The following NUP133 variants were observed in gnomAD, a reference collection of about 807,000 sequenced individuals.
NUP133 encodes nuclear pore complex protein Nup133.
A neutral mutation model predicts 146.2 loss-of-function variants in NUP133; 66 were observed. That is an observed-to-expected ratio of 0.45 (90% confidence interval 0.37 to 0.55). NUP133 has a LOEUF of 0.55. NUP133 is among the 20% of genes least tolerant of loss of function. The pLI, the probability that NUP133 is intolerant of heterozygous loss-of-function variation, is 0.00. For missense variants in NUP133, 1,277 were observed against 1,374.8 expected (o/e 0.93, Z 1.12); for synonymous variants, 521 against 498.8 (o/e 1.04, Z -0.59).
chr1:229,484,169 T>C (rs1425058706), intron 11 of NUP133, 24 bp from the exon 12 acceptor site: 1 of 1,549,290 alleles, frequency 6.5e-7, no homozygotes, highest in East Asian at 2.2e-5. Flanking sequence ...AAGTATAGTT[T>C]AGAGGTAAAG....
chr1:229,466,753 A>T lies in NUP133; in HGVS notation c.2080T>A (p.Ser694Thr). ...TPADVFFREV[S>T]QVDTICECLL... ...CACTCACAGATGGTATCTACTTGGG[A>T]TACCTGAGAGAATACACAGAAGTAA... The change falls in exon 16 of 26, where the codon TCC becomes ACC. Residue 694 changes from serine to threonine, a missense_variant. Around this residue, in one of 3 missense-constraint regions of NUP133, gnomAD observed 952 missense variants for 1,047.0 expected, o/e 0.91. Transcript: ENST00000261396. 6.2e-7 allele frequency: 1 copy of T among 1,613,992 alleles called. No homozygotes were observed. Among genetic ancestry groups the T allele is most frequent in the Non-Finnish European group, 8.5e-7 (1 of 1,179,908 alleles).
intron 5 of NUP133, 124 bp downstream of exon 5, chr1:229,499,560 G>A (rs1661745653): frequency 9.8e-7 from 1 of 1,020,308 alleles, no homozygotes. Flanking sequence ...CTTGAGCCCA[G>A]GAGTTTGAGA....
chr1:229,444,483 A>C (rs533428562), intron 25 of NUP133, among the ~76,000 whole-genome samples: 3 of 152,350 alleles, frequency 2.0e-5, no homozygotes, highest in South Asian at 2.1e-4. Flanking sequence ...AATTAGACAC[A>C]ATTCAGTCTG....
Position 229,458,310 on chromosome 1 carries a change from T to C in NUP133, c.2845-14A>G. On this transcript the variant is annotated splice_polypyrimidine_tract_variant and intron_variant, in intron 20 of 25. Transcript: ENST00000261396. Reference sequence around the variant, plus strand: ...TGTTGCATGAGCCTACAATAAAATATGCAAACCATCGTAAGATACTGAGTA... The same window carrying C: ...TGTTGCATGAGCCTACAATAAAATACGCAAACCATCGTAAGATACTGAGTA... 1 of 1,609,712 alleles carries C rather than the reference T, an allele frequency of 6.2e-7. No homozygotes were observed. Among genetic ancestry groups the C allele is most frequent in the South Asian group, 1.1e-5 (1 of 90,648 alleles).
In NUP133 at chr1:229,508,196, G is replaced by A; in HGVS notation, c.54C>T (p.Gly18=). The part of the protein sequence containing the change: ...PRTPGTGSRR[G]PLAGLGPGST... ...AGCCGGGCCCGAGTCCGGCCAGCGG[G>A]CCCCTTCGGGACCCGGTACCCGGGG... The change falls in exon 1 of 26, where the codon GGC becomes GGT. Residue 18 remains glycine (G), a synonymous_variant. Transcript: ENST00000261396. The A allele has an allele frequency of 1.9e-6, 3 of 1,571,998 alleles. No homozygotes were observed. The highest frequency in any genetic ancestry group is 1.9e-4 in the Middle Eastern group (1 of 5,352).
At chr1:229,495,798 G>A in intron 7 of NUP133, 94 bp downstream of exon 7, 1 of 1,121,774 alleles carries the variant, frequency 8.9e-7, no homozygotes, top group Non-Finnish European at 1.3e-6. Context: ...TTATTACACT[G>A]AAATGTGTTG....
intron 24 of NUP133, among the ~76,000 whole-genome samples, chr1:229,445,388 T>C (rs1233285853): frequency 6.6e-6 from 1 of 152,184 alleles, no homozygotes; most frequent in Non-Finnish European, 1.5e-5. Flanking sequence ...AAAGTATGAC[T>C]CACTGCAGCT....
chr1:229,478,550 G>A (rs182283311), intron 12 of NUP133, among the ~76,000 whole-genome samples: 1 of 152,280 alleles, frequency 6.6e-6, no homozygotes, highest in East Asian at 1.9e-4. Flanking sequence ...GGGAGAGGCT[G>A]AGATCACCCA....
intron 7 of NUP133, 89 bp downstream of exon 7, chr1:229,495,803 G>T: frequency 8.7e-7 from 1 of 1,148,836 alleles, no homozygotes; most frequent in Non-Finnish European, 1.2e-6. Flanking sequence ...ACACTGAAAT[G>T]TGTTGAAATA....
chr1:229,464,027 C>G (rs1432768980), intron 18 of NUP133, among the ~76,000 whole-genome samples: 1 of 152,142 alleles, frequency 6.6e-6, no homozygotes, highest in East Asian at 1.9e-4. Flanking sequence ...CGCCTGTAAT[C>G]CCAGCTACCT....
chr1:229,459,600 G>A (rs1660647855), intron 20 of NUP133, among the ~76,000 whole-genome samples: 1 of 152,030 alleles, frequency 6.6e-6, no homozygotes, highest in African/African-American at 2.4e-5. Context: ...AATTGTTTTG[G>A]ATTCCACATA....
Position 229,495,527 on chromosome 1 carries a change from G to T in NUP133, c.1014C>A (p.Val338=), listed in dbSNP as rs1661635072. 1 of 1,611,738 alleles carries T rather than the reference G, an allele frequency of 6.2e-7. No homozygotes were observed. Among genetic ancestry groups the T allele is most frequent in the Non-Finnish European group, 8.5e-7 (1 of 1,178,444 alleles). The part of the protein sequence containing the change: ...ESNYEAIKEG[V]NIRYLDLKQN... Reference sequence around the variant, plus strand: ...GCTTCAAGTCCAAATATCGAATGTTGACTCCTTCTTTAATAGCTTCATAGT... The same window carrying T: ...GCTTCAAGTCCAAATATCGAATGTTTACTCCTTCTTTAATAGCTTCATAGT... The change falls in exon 8 of 26, where the codon GTC becomes GTA. Residue 338 remains valine (V), a synonymous_variant. Coordinates refer to ENST00000261396, the MANE Select transcript of NUP133 (RefSeq NM_018230.3).
In NUP133 at chr1:229,449,115, C is replaced by T. The variant is rs147947786; in HGVS notation, c.3245+11G>A. On this transcript the variant is annotated intron_variant, in intron 24 of 25. Transcript: ENST00000261396. ...TATACTTTCCAAAGAAGCAATGCCACGAGCACTTACTTATCTCTCTGAAGA... is the reference window on the plus strand; with the variant it reads ...TATACTTTCCAAAGAAGCAATGCCATGAGCACTTACTTATCTCTCTGAAGA... The T allele has an allele frequency of 1.7e-5, 28 of 1,604,420 alleles. No homozygotes were observed. In the East Asian group the frequency reaches 2.2e-4, roughly 13 times the overall value.
At chr1:229,465,376 T>A (rs776370238) in intron 17 of NUP133, 44 bp downstream of exon 17, 4 of 1,440,344 alleles carry the variant, frequency 2.8e-6, no homozygotes, top group African/African-American at 2.8e-5. Context: ...TGATGGGTCA[T>A]TAGAAATATA....
chr1:229,464,941 A>C, intron 17 of NUP133, 66 bp from the exon 18 acceptor site: 2 of 1,572,146 alleles, frequency 1.3e-6, no homozygotes, highest in Non-Finnish European at 1.7e-6. Context: ...GGAAAGACTA[A>C]TAGCATAAAA....
In NUP133 at chr1:229,495,905, G is replaced by T. The variant is rs1451805674; in HGVS notation, c.962C>A (p.Thr321Asn). Residue 321 changes from threonine (T) to asparagine (N), a missense_variant, in exon 7 of 26, where the codon ACC (threonine) becomes AAC (asparagine). Transcript: ENST00000261396. ...DINRALKENI[T>N]DAIWGSESNY... ...ATTGTTTCTTACCCAAATAGCATCG[G>T]TAATGTTTTCCTTCAGGGCTCTATT... The T allele has an allele frequency of 6.3e-7, 1 of 1,594,752 alleles. No homozygotes were observed.
At chr1:229,495,845 T>C (rs1010168286) in intron 7 of NUP133, 47 bp downstream of exon 7, 2 of 1,447,542 alleles carry the variant, frequency 1.4e-6, no homozygotes, top group Non-Finnish European at 9.3e-7. Flanking sequence ...AGCATTATCA[T>C]ACAACCATAA....
intron 10 of NUP133, among the ~76,000 whole-genome samples, 169 bp from the exon 11 acceptor site, chr1:229,486,697 C>T (rs1398248541): frequency 1.3e-5 from 2 of 152,110 alleles, no homozygotes; most frequent in Non-Finnish European, 2.9e-5. Context: ...GAATCAAATG[C>T]TAAGAACCGG....
Position 229,463,622 on chromosome 1 carries a change from A to G in NUP133, c.2606T>C (p.Phe869Ser). The G allele has an allele frequency of 6.2e-7, 1 of 1,614,052 alleles. No homozygotes were observed. The highest frequency in any genetic ancestry group is 8.5e-7 in the Non-Finnish European group (1 of 1,179,970). The change falls in exon 19 of 26, where the codon TTT becomes TCT. Residue 869 changes from phenylalanine to serine, a missense_variant. Physicochemically the swap from Phe to Ser is radical, Grantham distance 155. Transcript: ENST00000261396. ...CTCACACATTTGTACCAATATATCAAAGTCACAGTATTTCTCTGCTAGAGA... is the reference window on the plus strand; with the variant it reads ...CTCACACATTTGTACCAATATATCAGAGTCACAGTATTTCTCTGCTAGAGA... ...AASLAEKYCD[F>S]DILVQMCEQT...
Sources: gnomAD v4.1 joint callset for allele counts (sites outside exome capture counted in the v4.1 genomes callset) on GRCh38, gnomAD v4.1.1 for gene constraint, gnomAD v4.1.1 regional missense constraint, MANE v1.5 for transcripts, NCBI Gene and HGNC (gene_info 2026-07-23, HGNC 2026-07-21) for gene names.